The following ADAMTS2 variants were observed in gnomAD, a reference collection of about 807,000 sequenced individuals.
The protein encoded by ADAMTS2 is A disintegrin and metalloproteinase with thrombospondin motifs 2.
ADAMTS2 carries 50 observed loss-of-function variants against 123.0 expected under a neutral mutation model. The observed-to-expected ratio is 0.41, with a 90% CI of 0.32 to 0.51. ADAMTS2 has a LOEUF of 0.51. Among genes scored for constraint, ADAMTS2 ranks in the 20% least tolerant of loss-of-function variants. The pLI, the probability that ADAMTS2 is intolerant of heterozygous loss-of-function variation, is 0.35. For synonymous variants in ADAMTS2, 678 were observed against 695.4 expected, an observed-to-expected ratio of 0.98 and a Z score of 0.39; for missense variants, 1,494 against 1,705.2, an observed-to-expected ratio of 0.88 and a Z score of 2.18.
At chr5:179,133,958 C>T (rs540811038) in intron 13 of ADAMTS2, among the ~76,000 whole-genome samples, 46 of 151,022 alleles carry the variant, frequency 3.0e-4, no homozygotes, top group African/African-American at 1.0e-3. Flanking sequence ...ATAATCTGCC[C>T]GCCTCGGCCT....
chr5:179,299,335 C>T (rs1205047471), intron 2 of ADAMTS2, among the ~76,000 whole-genome samples: 1 of 57,426 alleles, frequency 1.7e-5, no homozygotes, highest in Non-Finnish European at 3.6e-5. Flanking sequence ...GGAGACCATC[C>T]TGGCTAACAC....
chr5:179,217,239 G>A (rs1765003968), intron 3 of ADAMTS2, among the ~76,000 whole-genome samples: 1 of 152,224 alleles, frequency 6.6e-6, no homozygotes, highest in Non-Finnish European at 1.5e-5. Flanking sequence ...TAAAAACAGA[G>A]TGCCAAGTGC....
intron 13 of ADAMTS2, among the ~76,000 whole-genome samples, chr5:179,133,846 G>A (rs1763007433): frequency 6.6e-6 from 1 of 151,228 alleles, no homozygotes; most frequent in Admixed American, 6.6e-5. Context: ...AGCCTCCCGA[G>A]TCGCTGCCTG....
intron 2 of ADAMTS2, among the ~76,000 whole-genome samples, chr5:179,326,243 C>T (rs887695324): frequency 1.3e-5 from 2 of 151,066 alleles, no homozygotes; most frequent in African/African-American, 2.4e-5. Context: ...CACCCCCAGC[C>T]GGGCAGCTGC....
rs1032237431 is a variant in ADAMTS2 at position 179,285,733 on chromosome 5, A to G, written c.535-12669T>C. Among the ~76,000 whole-genome samples, 5 of 152,244 alleles carry G rather than the reference A, an allele frequency of 3.3e-5. No homozygotes were observed. The highest frequency in any genetic ancestry group is 6.5e-5 in the Admixed American group (1 of 15,286). On this transcript the variant is annotated intron_variant, in intron 2 of 21. Transcript: ENST00000251582. The surrounding 1 kb of genome is among the most constrained non-coding windows in gnomAD (Gnocchi z 4.9). ...CAGTCACAAATTAACATTCACATAAATAACAGGGCGCTCTCTACTAAAGAA... is the reference window on the plus strand; with the variant it reads ...CAGTCACAAATTAACATTCACATAAGTAACAGGGCGCTCTCTACTAAAGAA...
chr5:179,329,393 C>T (rs1268661611), intron 2 of ADAMTS2, among the ~76,000 whole-genome samples: 1 of 150,342 alleles, frequency 6.7e-6, no homozygotes, highest in African/African-American at 2.4e-5. Context: ...CCTCCATGAA[C>T]TTCACAGATG....
intron 3 of ADAMTS2, among the ~76,000 whole-genome samples, chr5:179,213,058 C>T (rs886667895): frequency 1.4e-4 from 19 of 133,962 alleles, no homozygotes; most frequent in African/African-American, 4.9e-4. Context: ...GCCTCCTGCA[C>T]AGCCACACTG....
chr5:179,129,019 G>A lies in ADAMTS2; in HGVS notation c.2458-901C>T, dbSNP rs1026854072. ...AGCGTGCTGAGTTGCTCCCACCTCC[G>A]CTGGGAACACGTGTGGCAGGCGACT... On this transcript the variant is annotated intron_variant, in intron 16 of 21. Transcript: ENST00000251582. The surrounding 1 kb of genome is among the most constrained non-coding windows in gnomAD (Gnocchi z 4.1). Among the ~76,000 whole-genome samples the A allele has an allele frequency of 2.6e-5, 4 of 152,170 alleles. No individual in the cohort carries two copies. The highest frequency in any genetic ancestry group is 7.2e-5 in the African/African-American group (3 of 41,452).
rs769503304 is a variant in ADAMTS2 at position 179,113,995 on chromosome 5, G to T, written c.3508C>A (p.Leu1170Met). 5.6e-6 allele frequency: 9 copies of T among 1,614,114 alleles called. No individual in the cohort carries two copies. Among genetic ancestry groups the T allele is most frequent in the Non-Finnish European group, 6.8e-6 (8 of 1,180,010 alleles). ...TTGGGTGGCTGGACTTCATCTTCCA[G>T]GCCATGGATTTTGTAGGGTTCATCT... ...AVDEPYKIHG[L>M]EDEVQPPNLI... The change falls in exon 22 of 22, where the codon CTG becomes ATG. Residue 1170 changes from leucine (L) to methionine (M), a missense_variant. Transcript: ENST00000251582.
chr5:179,322,949 C>T (rs1757227227), intron 2 of ADAMTS2, among the ~76,000 whole-genome samples: 1 of 152,220 alleles, frequency 6.6e-6, no homozygotes, highest in Non-Finnish European at 1.5e-5. Context: ...GAAGCAGGGC[C>T]GTGCCCAGCA....
intron 2 of ADAMTS2, among the ~76,000 whole-genome samples, chr5:179,286,227 A>G (rs1193523503): frequency 1.3e-5 from 2 of 151,210 alleles, no homozygotes; most frequent in East Asian, 3.9e-4. Context: ...AAAAAAAAAA[A>G]AAAAAAAAAA....
rs181433947 is a variant in ADAMTS2, at chr5:179,198,744, G to T, written c.891+8769C>A. Among the ~76,000 whole-genome samples, 15 of 151,960 alleles carry T rather than the reference G, an allele frequency of 9.9e-5. No homozygotes were observed. The South Asian group carries it at 1.2e-3, about 13-fold the overall frequency. On this transcript the variant is annotated intron_variant, in intron 4 of 21. Coordinates refer to ENST00000251582, the MANE Select transcript of ADAMTS2 (RefSeq NM_014244.5). Reference sequence around the variant, plus strand: ...AGGTACTTGGGAGGCTGAGGCAGGAGAATTGCTTGAACCTGAGAGGTGGCG... The same window carrying T: ...AGGTACTTGGGAGGCTGAGGCAGGATAATTGCTTGAACCTGAGAGGTGGCG...
intron 21 of ADAMTS2, among the ~76,000 whole-genome samples, chr5:179,114,738 T>C (rs1301677264): frequency 2.6e-5 from 4 of 152,204 alleles, no homozygotes; most frequent in African/African-American, 7.2e-5. Flanking sequence ...TGGCAAGGCT[T>C]GACTCTACAA....
chr5:179,143,399 C>T (rs1456417988), intron 10 of ADAMTS2, among the ~76,000 whole-genome samples: 2 of 149,638 alleles, frequency 1.3e-5, no homozygotes, highest in Admixed American at 1.3e-4. Context: ...CGCCACTGCG[C>T]TCCAGGCTGG....
chr5:179,138,915 C>G (rs1763113079), intron 11 of ADAMTS2, among the ~76,000 whole-genome samples: 1 of 152,246 alleles, frequency 6.6e-6, no homozygotes, highest in East Asian at 1.9e-4. Context: ...GGAGCCCTGC[C>G]CGCCAGCTGG....
chr5:179,184,509 TAAAA>T (rs554713153), intron 4 of ADAMTS2, among the ~76,000 whole-genome samples: 1 of 91,416 alleles, frequency 1.1e-5, no homozygotes, highest in Non-Finnish European at 2.2e-5. Context: ...AGACTCTGTC[TAAAA>T]AAAAAAAAAA....
chr5:179,165,724 C>T (rs1763684874), intron 5 of ADAMTS2, among the ~76,000 whole-genome samples: 1 of 152,174 alleles, frequency 6.6e-6, no homozygotes. Context: ...CTGCAGGGTC[C>T]ACCTCCTGAG....
intron 2 of ADAMTS2, among the ~76,000 whole-genome samples, chr5:179,311,226 C>T (rs576676679): frequency 2.2e-4 from 33 of 152,342 alleles, no homozygotes; most frequent in East Asian, 3.9e-4. Flanking sequence ...CAGGGCCTGG[C>T]GCTCCTGGCC....
Position 179,242,177 on chromosome 5 carries a change from T to A in ADAMTS2, c.688+30734A>T, listed in dbSNP as rs187857697. 2.5e-3 allele frequency among the ~76,000 whole-genome samples: 375 copies of A among 152,298 alleles called. No homozygotes were observed. The highest frequency in any genetic ancestry group is 8.8e-3 in the African/African-American group (365 of 41,560). On this transcript the variant is annotated intron_variant, in intron 3 of 21. Coordinates refer to ENST00000251582, the MANE Select transcript of ADAMTS2 (RefSeq NM_014244.5). The surrounding 1 kb of genome is among the most constrained non-coding windows in gnomAD (Gnocchi z 4.2). ...TGGGGCTGCGTATGTGAAGAGCCAA[T>A]CTGAGAAGGAAGTCTCTGCAGAAGA...
Sources: gnomAD v4.1 joint callset for allele counts (sites outside exome capture counted in the v4.1 genomes callset) on GRCh38, gnomAD v4.1.1 for gene constraint, Gnocchi (gnomAD v3.1) non-coding constraint, MANE v1.5 for transcripts, NCBI Gene and HGNC (gene_info 2026-07-23, HGNC 2026-07-21) for gene names.